Variants in ATP2B3 observed in about 807,000 individuals in gnomAD.
ATP2B3 encodes the protein ATPase plasma membrane Ca2+ transporting 3.
Under a neutral mutation model 70.8 loss-of-function variants are expected in ATP2B3, and 12 were observed. The observed-to-expected ratio is 0.17, with a 90% confidence interval of 0.11 to 0.27. The LOEUF is 0.27. Ranked by LOEUF, ATP2B3 falls within the 10% of genes least tolerant of loss-of-function variation. The pLI is 1.00. For synonymous variants in ATP2B3, 460 were observed against 497.8 expected, an observed-to-expected ratio of 0.92 and a Z score of 1.01; for missense variants, 858 against 1,118.5, an observed-to-expected ratio of 0.77 and a Z score of 3.32.
chrX:153,543,390 G>C lies in ATP2B3; in HGVS notation c.916+222G>C, dbSNP rs782157632. On this transcript the variant is annotated intron_variant, in intron 7 of 21. Transcript: ENST00000263519. ...GCCCCTCCAGTGCCGTGGACGGGGA[G>C]TTTCCCTGAGACCACCATCCCCAAA... Among the ~76,000 whole-genome samples, 4 of 112,790 alleles carry C rather than the reference G, an allele frequency of 3.5e-5. No homozygotes were observed. The East Asian group carries it at 1.1e-3, about 32-fold the overall frequency.
chrX:153,542,072 T>TGGGGGGGGGGGGGGGGGGGGG (rs2124411943), intron 5 of ATP2B3, 146 bp downstream of exon 5: 1 of 76,960 alleles, frequency 1.3e-5, no homozygotes, highest in East Asian at 3.1e-4. Flanking sequence ...GTGGCGGGGG[T>TGGGGGGGGGGGGGGGGGGGGG]GGGGGAGGTG....
chrX:153,559,313 T>C (rs1243745214), intron 17 of ATP2B3: 1 of 155,337 alleles, frequency 6.4e-6, no homozygotes, highest in Non-Finnish European at 1.2e-5. Flanking sequence ...GTGTCTGGCT[T>C]CTGTGAGGCT....
In ATP2B3 at chrX:153,551,761, TAGAACAA is replaced by T. The variant is rs782597108; in HGVS notation, c.1824-1271_1824-1265del. Among the ~76,000 whole-genome samples the T allele has an allele frequency of 1.5e-3, 170 of 112,009 alleles. 1 individual carries two copies. The highest frequency in any genetic ancestry group is 5.3e-3 in the African/African-American group (163 of 30,790). On this transcript the variant is annotated intron_variant, in intron 12 of 21. Coordinates refer to ENST00000263519, the MANE Select transcript of ATP2B3 (RefSeq NM_001001344.3). ...GTGAATTATATCCCAATAAAGCTAT[TAGAACAA>T]AGTAAGGGAGAGTGCACAGCGTCAC...
intron 2 of ATP2B3, among the ~76,000 whole-genome samples, chrX:153,527,746 G>A (rs1466088811): frequency 1.8e-5 from 2 of 112,592 alleles, no homozygotes; most frequent in Non-Finnish European, 3.8e-5. Flanking sequence ...CCGGCCGAAC[G>A]GAATGTTCTG....
At chrX:153,579,237 C>G (rs2090893591) in intron 21 of ATP2B3, among the ~76,000 whole-genome samples, 1 of 112,735 alleles carries the variant, frequency 8.9e-6, no homozygotes, top group African/African-American at 3.2e-5. Context: ...GTCAGGAAGC[C>G]ATGAGAAGCT....
chrX:153,548,751 A>G lies in ATP2B3; in HGVS notation c.1235A>G (p.Gln412Arg). 1 of 1,211,638 alleles carries G rather than the reference A, an allele frequency of 8.3e-7. No individual in the cohort carries two copies. Among genetic ancestry groups the G allele is most frequent in the Non-Finnish European group, 1.1e-6 (1 of 895,497 alleles). ...WLAECTPVYV[Q>R]YFVKFFIIGV... ...GCAGAGTGCACGCCGGTCTATGTAC[A>G]ATACTTCGTGAAGTTCTTCATCATT... Residue 412 changes from glutamine to arginine, a missense_variant, in exon 10 of 22, where the codon CAA becomes CGA. Gln to Arg is a conservative substitution (Grantham distance 43). Transcript: ENST00000263519.
At position 153,541,501 on chromosome X, in the gene ATP2B3, T is replaced by G; in HGVS notation, c.351T>G (p.Ala117=). ...QDVTLIILEV[A]AIVSLGLSFY... is the part of the protein sequence containing the mutation. ...TGACCCTCATCATCCTGGAGGTGGC[T>G]GCCATCGTCTCTCTGGGCCTCTCGT... Residue 117 remains alanine (A), a synonymous_variant, in exon 4 of 22, where the codon GCT becomes GCG. Coordinates refer to ENST00000263519, the MANE Select transcript of ATP2B3 (RefSeq NM_001001344.3). The G allele has an allele frequency of 8.3e-7, 1 of 1,211,646 alleles. No individual in the cohort carries two copies. Among genetic ancestry groups the G allele is most frequent in the Non-Finnish European group, 1.1e-6 (1 of 895,511 alleles).
rs367957275 is a variant in ATP2B3, at chrX:153,553,161, C to T, written c.1950C>T (p.Tyr650=). The change falls in exon 13 of 22, where the codon TAC becomes TAT. Residue 650 remains tyrosine, a synonymous_variant. Transcript: ENST00000263519. ...CDGLRTICIA[Y]RDFSAGQEPD... The stretch of plus-strand genomic sequence containing the variant: ...GCCTCCGCACCATCTGCATCGCCTA[C>T]CGGGACTTCTCTGCAGGCCAGGAGC... 7 of 1,210,212 alleles carry T rather than the reference C, an allele frequency of 5.8e-6. No homozygotes were observed. The highest frequency in any genetic ancestry group is 5.9e-5 in the East Asian group (2 of 33,768).
intron 7 of ATP2B3, among the ~76,000 whole-genome samples, chrX:153,543,385 G>C (rs1268340392): frequency 8.9e-6 from 1 of 112,728 alleles, no homozygotes. Flanking sequence ...TGCCGTGGAC[G>C]GGGAGTTTCC....
chrX:153,542,324 C>T lies in ATP2B3; in HGVS notation c.666C>T (p.Gly222=), dbSNP rs782405959. Residue 222 remains glycine, a splice_region_variant and synonymous_variant, in exon 6 of 22, where the codon GGC becomes GGT. Transcript: ENST00000263519. Reference sequence around the variant, plus strand: ...GGCCTCTGCTTCCCGGTGCTCTAGGCGACCTGCTGCCAGCCGACGGCGTGC... The same window carrying T: ...GGCCTCTGCTTCCCGGTGCTCTAGGTGACCTGCTGCCAGCCGACGGCGTGC... ...VVGDIAQVKY[G]DLLPADGVLI... is the part of the protein sequence containing the mutation. 20 of 1,209,615 alleles carry T rather than the reference C, an allele frequency of 1.7e-5. No individual in the cohort carries two copies. The African/African-American group carries it at 2.1e-4, about 13-fold the overall frequency.
At chrX:153,575,040 C>T (rs782711121) in intron 21 of ATP2B3, 8 of 232,599 alleles carry the variant, frequency 3.4e-5, no homozygotes, top group Admixed American at 9.6e-5. Context: ...TCTAAGGATG[C>T]GTACTTGAGC....
intron 21 of ATP2B3, among the ~76,000 whole-genome samples, chrX:153,575,590 G>A (rs1424319184): frequency 8.9e-6 from 1 of 112,109 alleles, no homozygotes; most frequent in East Asian, 2.8e-4. Flanking sequence ...AGGGCATGGA[G>A]GGGTGGGGGC....
intron 8 of ATP2B3, among the ~76,000 whole-genome samples, chrX:153,546,709 G>A (rs1016056942): frequency 6.5e-4 from 74 of 113,360 alleles, no homozygotes; most frequent in African/African-American, 2.3e-3. Context: ...CGGAGGACAG[G>A]AGATGTCGGC....
intron 2 of ATP2B3, among the ~76,000 whole-genome samples, chrX:153,529,633 G>A (rs1324273259): frequency 4.5e-5 from 5 of 112,015 alleles, no homozygotes; most frequent in Non-Finnish European, 5.6e-5. Flanking sequence ...GCACATTCAT[G>A]GTGCTGTGCA....
At chrX:153,531,229 C>T (rs1396192440) in intron 2 of ATP2B3, among the ~76,000 whole-genome samples, 1 of 113,273 alleles carries the variant, frequency 8.8e-6, no homozygotes, top group Non-Finnish European at 1.9e-5. Context: ...GGCAGGGTGG[C>T]TGCCAGACTG....
intron 21 of ATP2B3, chrX:153,574,620 G>A (rs782725348): frequency 7.7e-6 from 2 of 259,202 alleles, no homozygotes; most frequent in East Asian, 1.1e-4. Context: ...TGTCACTGCG[G>A]TCAGGAGTCT....
chrX:153,542,214 G>T, intron 5 of ATP2B3, 109 bp from the exon 6 acceptor site: 1 of 1,097,261 alleles, frequency 9.1e-7, no homozygotes. Flanking sequence ...AGAAGGAGGA[G>T]GGCTCCTGAG....
intron 3 of ATP2B3, among the ~76,000 whole-genome samples, chrX:153,537,279 G>A (rs978495390): frequency 6.2e-5 from 7 of 113,391 alleles, no homozygotes; most frequent in Non-Finnish European, 7.5e-5. Context: ...CTGGCGCTGC[G>A]TGCCTGGCAG....
intron 16 of ATP2B3, among the ~76,000 whole-genome samples, 178 bp downstream of exon 16, chrX:153,557,201 G>A (rs937680182): frequency 6.2e-5 from 7 of 112,265 alleles, no homozygotes; most frequent in Non-Finnish European, 9.4e-5. Flanking sequence ...CCAGTCGGGG[G>A]ACATGTGGTT....
Sources: gnomAD v4.1 joint callset for allele counts (sites outside exome capture counted in the v4.1 genomes callset) on GRCh38, gnomAD v4.1.1 for gene constraint, MANE v1.5 for transcripts, NCBI Gene and HGNC (gene_info 2026-07-23, HGNC 2026-07-21) for gene names.